Variants in COL15A1 observed in about 807,000 individuals in gnomAD.
COL15A1 encodes the protein collagen type XV alpha 1 chain.
COL15A1 carries 111 observed loss-of-function variants against 165.9 expected under a neutral mutation model. That is an observed-to-expected ratio of 0.67 (90% confidence interval 0.57 to 0.78). The LOEUF is 0.78. COL15A1 is among the 30% of genes least tolerant of loss of function. The pLI is 0.00. For synonymous variants in COL15A1, 659 were observed against 674.8 expected (o/e 0.98, Z 0.36); for missense variants, 1,745 against 1,789.7 (o/e 0.98, Z 0.45).
Position 98,974,766 on chromosome 9 carries a change from C to T in COL15A1, c.101-10799C>T, listed in dbSNP as rs938647470. On this transcript the variant is annotated intron_variant, in intron 2 of 41. Coordinates refer to ENST00000375001, the MANE Select transcript of COL15A1 (RefSeq NM_001855.5). ...GCCCCCCAGTGGGAATACACCCACCCGCTTGCAGGAGTCACCGTGGCCCCG... is the reference window on the plus strand; with the variant it reads ...GCCCCCCAGTGGGAATACACCCACCTGCTTGCAGGAGTCACCGTGGCCCCG... 3.9e-5 allele frequency among the ~76,000 whole-genome samples: 6 copies of T among 152,202 alleles called. No individual in the cohort carries two copies. In the South Asian group the frequency reaches 1.0e-3, roughly 26 times the overall value.
intron 2 of COL15A1, among the ~76,000 whole-genome samples, chr9:98,975,472 C>G (rs1838127277): frequency 6.6e-6 from 1 of 152,186 alleles, no homozygotes; most frequent in East Asian, 1.9e-4. Context: ...GGTGAGAGTT[C>G]GCTCCTGTTC....
At chr9:98,971,241 G>A (rs1838045819) in intron 2 of COL15A1, among the ~76,000 whole-genome samples, 1 of 152,174 alleles carries the variant, frequency 6.6e-6, no homozygotes, top group African/African-American at 2.4e-5. Context: ...ATGTCCAGCA[G>A]GTCACTGCAT....
chr9:98,990,214 T>C (rs1226724638), intron 5 of COL15A1, among the ~76,000 whole-genome samples: 2 of 152,192 alleles, frequency 1.3e-5, no homozygotes, highest in Non-Finnish European at 2.9e-5. Context: ...AAAACTGCCC[T>C]TTGTGTACAA....
intron 2 of COL15A1, among the ~76,000 whole-genome samples, chr9:98,975,906 A>G (rs10819542): frequency 0.46 from 68,039 of 147,252 alleles, 15,684 homozygotes; most frequent in African/African-American, 0.61. Context: ...ATTTAGATGT[A>G]AGAAGATGGG....
chr9:99,062,521 A>G (rs1435355043), intron 38 of COL15A1, among the ~76,000 whole-genome samples: 1 of 152,178 alleles, frequency 6.6e-6, no homozygotes, highest in Admixed American at 6.5e-5. Flanking sequence ...TGCTGTTCCC[A>G]TGTAGTAGCC....
At chr9:99,046,236 G>C (rs1371335160) in intron 26 of COL15A1, among the ~76,000 whole-genome samples, 1 of 152,226 alleles carries the variant, frequency 6.6e-6, no homozygotes. Flanking sequence ...GTGTGGGCTA[G>C]CTGTGGCCCT....
chr9:98,962,304 C>T (rs559709835), intron 2 of COL15A1, among the ~76,000 whole-genome samples: 2 of 152,088 alleles, frequency 1.3e-5, no homozygotes, highest in African/African-American at 2.4e-5. Context: ...TGGTTGTACC[C>T]GTGAGACGTG....
At chr9:99,053,569 G>A (rs1248337974) in intron 31 of COL15A1, among the ~76,000 whole-genome samples, 3 of 152,340 alleles carry the variant, frequency 2.0e-5, no homozygotes, top group Admixed American at 6.5e-5. Context: ...TGCTCCGGTT[G>A]GTGCTGGTGC....
intron 2 of COL15A1, among the ~76,000 whole-genome samples, chr9:98,980,075 A>G (rs1838211119): frequency 6.6e-6 from 1 of 152,078 alleles, no homozygotes; most frequent in Non-Finnish European, 1.5e-5. Flanking sequence ...TGGAAGGGTC[A>G]TTTAAGCCTG....
chr9:99,017,225 T>TC (rs2118995478), intron 11 of COL15A1, among the ~76,000 whole-genome samples: 1 of 152,348 alleles, frequency 6.6e-6, no homozygotes, highest in South Asian at 2.1e-4. Context: ...CTTCACCACA[T>TC]TCCTCTTCAG....
At position 99,062,077 on chromosome 9, in the gene COL15A1, G is replaced by T. The variant is rs149360947; in HGVS notation, c.3509G>T (p.Arg1170Ile). The change falls in exon 37 of 42, where the codon AGA becomes ATA. Residue 1170 changes from arginine (R) to isoleucine (I), a missense_variant. Physicochemically the swap from Arg to Ile is moderately conservative, Grantham distance 97. Transcript: ENST00000375001. ...AGCACTGAGTTTTTCATTCGTGTTAGAGATGGCTGGAAAAAATTACAGGTA... is the reference window on the plus strand; with the variant it reads ...AGCACTGAGTTTTTCATTCGTGTTATAGATGGCTGGAAAAAATTACAGGTA... ...RDSTEFFIRV[R>I]DGWKKLQLGE... The T allele has an allele frequency of 2.2e-5, 36 of 1,614,098 alleles. No individual in the cohort carries two copies. The highest frequency in any genetic ancestry group is 2.8e-5 in the Non-Finnish European group (33 of 1,179,998).
At chr9:99,066,676 G>A (rs1215215374) in intron 39 of COL15A1, among the ~76,000 whole-genome samples, 3 of 140,932 alleles carry the variant, frequency 2.1e-5, no homozygotes, top group Non-Finnish European at 4.6e-5. Flanking sequence ...AGCTGAAACA[G>A]GCTGCTTGGG....
In COL15A1 at chr9:98,985,893, C is replaced by A. The variant is rs527804413; in HGVS notation, c.429C>A (p.Ser143=). 13 of 1,613,922 alleles carry A rather than the reference C, an allele frequency of 8.1e-6. No homozygotes were observed. The South Asian group carries it at 1.3e-4, about 16-fold the overall frequency. Residue 143 remains serine (S), a synonymous_variant, in exon 3 of 42, where the codon TCC becomes TCA. Transcript: ENST00000375001. Reference sequence around the variant, plus strand: ...TCCTCTACTACACGGAGCCAGGCTCCCATGTGTCCCAAGAGGCTGCTGCCT... The same window carrying A: ...TCCTCTACTACACGGAGCCAGGCTCACATGTGTCCCAAGAGGCTGCTGCCT... The part of the protein sequence containing the change: ...RIILYYTEPG[S]HVSQEAAAFS...
At chr9:99,066,811 A>G in intron 39 of COL15A1, 71 bp from the exon 40 acceptor site, 3 of 1,384,690 alleles carry the variant, frequency 2.2e-6, no homozygotes, top group Non-Finnish European at 2.0e-6. Context: ...CTTTGCAGGA[A>G]TGTGAGATGG....
At chr9:98,946,083 A>G (rs1837579786) in intron 2 of COL15A1, among the ~76,000 whole-genome samples, 2 of 152,192 alleles carry the variant, frequency 1.3e-5, no homozygotes, top group Non-Finnish European at 2.9e-5. Context: ...AATGTAAACT[A>G]TCCTCCTGCA....
intron 2 of COL15A1, among the ~76,000 whole-genome samples, chr9:98,947,840 A>AGTG (rs1419247215): frequency 6.6e-6 from 1 of 152,156 alleles, no homozygotes; most frequent in Non-Finnish European, 1.5e-5. Flanking sequence ...TCTGTTAAAA[A>AGTG]GTGGGTCTTT....
At chr9:99,026,043 C>T in intron 16 of COL15A1, 77 bp downstream of exon 16, 1 of 1,383,320 alleles carries the variant, frequency 7.2e-7, no homozygotes. Context: ...CTAAACCTGA[C>T]CTTGCCTCTT....
chr9:99,020,143 C>T (rs1839000936), intron 11 of COL15A1, among the ~76,000 whole-genome samples: 1 of 152,188 alleles, frequency 6.6e-6, no homozygotes, highest in African/African-American at 2.4e-5. Context: ...TGGGTGACTC[C>T]AAATGCCAGG....
chr9:99,068,727 C>CCATTGT, intron 41 of COL15A1, 57 bp downstream of exon 41: 2 of 1,021,928 alleles, frequency 2.0e-6, no homozygotes, highest in Non-Finnish European at 2.9e-6. Context: ...AGGGGGCATC[C>CCATTGT]TAACAATGGG....
Sources: gnomAD v4.1 joint callset for allele counts (sites outside exome capture counted in the v4.1 genomes callset) on GRCh38, gnomAD v4.1.1 for gene constraint, MANE v1.5 for transcripts, NCBI Gene and HGNC (gene_info 2026-07-23, HGNC 2026-07-21) for gene names.